CACNA2D4: variants seen among roughly 807,000 people sequenced by gnomAD.
CACNA2D4 encodes calcium voltage-gated channel auxiliary subunit alpha2delta 4.
In CACNA2D4, 157 loss-of-function variants were observed where a neutral mutation model predicts 163.8. The ratio of observed to expected loss-of-function variants is 0.96; its 90% confidence interval spans 0.84 to 1.09. The LOEUF is 1.09. Among genes scored for constraint, CACNA2D4 ranks in the 50% least tolerant of loss-of-function variants. The pLI, the probability that CACNA2D4 is intolerant of heterozygous loss-of-function variation, is 0.00. For synonymous variants in CACNA2D4, 598 were observed against 586.9 expected (o/e 1.02, Z -0.27); for missense variants, 1,410 against 1,479.9 (o/e 0.95, Z 0.78).
At chr12:1,902,948 T>TA (rs1592746142) in intron 6 of CACNA2D4, among the ~76,000 whole-genome samples, 1 of 152,096 alleles carries the variant, frequency 6.6e-6, no homozygotes, top group African/African-American at 2.4e-5. Flanking sequence ...GGAGTAACAT[T>TA]ACCTGACTTC....
In CACNA2D4 at chr12:1,884,263, C is replaced by G; in HGVS notation, c.1331G>C (p.Trp444Ser). The G allele has an allele frequency of 3.1e-6, 5 of 1,612,344 alleles. No homozygotes were observed. Among genetic ancestry groups the G allele is most frequent in the Non-Finnish European group, 4.2e-6 (5 of 1,179,412 alleles). The change falls in exon 12 of 38, where the codon TGG becomes TCG. Residue 444 changes from tryptophan (W) to serine (S), a missense_variant. Trp to Ser is a radical substitution (Grantham distance 177). Transcript: ENST00000382722. ...CTCACCTTTGTTGTTGCATGCAATC[C>G]ACTTCATGCGGTCAGCAAAAGACAC... ...REVSFADRMKWIACNNKGYYT... is the reference protein window; with the variant it reads ...REVSFADRMKSIACNNKGYYT...
chr12:1,831,448 A>T (rs1864627132), intron 26 of CACNA2D4: 2 of 1,613,998 alleles, frequency 1.2e-6, no homozygotes, highest in African/African-American at 1.3e-5. Flanking sequence ...CAGCTGCTGC[A>T]GGTCGGGGAT....
intron 3 of CACNA2D4, among the ~76,000 whole-genome samples, chr12:1,912,579 G>A (rs971519063): frequency 8.4e-5 from 2 of 23,884 alleles, no homozygotes; most frequent in Non-Finnish European, 1.7e-4. Context: ...TGAGAAGGAG[G>A]AGAGGGGAGG....
intron 18 of CACNA2D4, 62 bp from the exon 19 acceptor site, chr12:1,860,268 C>T (rs1322520403): frequency 4.5e-6 from 6 of 1,335,348 alleles, no homozygotes; most frequent in Non-Finnish European, 6.4e-6. Flanking sequence ...GCCCCCACCT[C>T]GCCCCCAGGG....
intron 18 of CACNA2D4, among the ~76,000 whole-genome samples, chr12:1,872,427 G>C (rs536124851): frequency 1.3e-5 from 2 of 152,362 alleles, no homozygotes; most frequent in Admixed American, 1.3e-4. Flanking sequence ...TGTACCGGGA[G>C]ATGGCTCGAA....
intron 26 of CACNA2D4, among the ~76,000 whole-genome samples, chr12:1,838,766 A>G (rs972009114): frequency 1.3e-5 from 2 of 152,198 alleles, no homozygotes; most frequent in Middle Eastern, 3.2e-3. Context: ...CTAGACCTTC[A>G]GGTGTACAGG....
At position 1,828,024 on chromosome 12, in the gene CACNA2D4, C is replaced by G. The variant is rs2154446870; in HGVS notation, c.2551+12715G>C. On this transcript the variant is annotated intron_variant, in intron 26 of 37. Transcript: ENST00000382722. The surrounding 1 kb of genome is among the most constrained non-coding windows in gnomAD (Gnocchi z 4.2). ...CCGGGCCCTCTCCCTAACCCCTGGG[C>G]TGGAACGGGGCTCCCGCGCCTGCCT... 1.2e-6 allele frequency: 1 copy of G among 816,026 alleles called. No homozygotes were observed. The highest frequency in any genetic ancestry group is 3.1e-5 in the East Asian group (1 of 32,174). The allele number at this position is 816,026 out of a possible 1,614,324, so 50.5% of individuals were successfully genotyped here. A position where few individuals can be genotyped will look rare whatever the true frequency, so the allele number is the denominator to read the frequency against.
At chr12:1,809,984 T>TG (rs573063701) in intron 29 of CACNA2D4, among the ~76,000 whole-genome samples, 18 of 152,278 alleles carry the variant, frequency 1.2e-4, no homozygotes, top group African/African-American at 3.4e-4. Context: ...GGCCCTGAGA[T>TG]GGGGTCACTG....
At chr12:1,825,176 G>A (rs1033276743) in intron 26 of CACNA2D4, among the ~76,000 whole-genome samples, 6 of 152,190 alleles carry the variant, frequency 3.9e-5, no homozygotes, top group Non-Finnish European at 7.3e-5. Context: ...ACAAGAGGCC[G>A]CCTTCACCAG....
At chr12:1,838,328 A>G (rs1357295604) in intron 26 of CACNA2D4, among the ~76,000 whole-genome samples, 1 of 151,972 alleles carries the variant, frequency 6.6e-6, no homozygotes, top group East Asian at 1.9e-4. Flanking sequence ...TCGGTGCGCA[A>G]TCGTCACCAT....
At chr12:1,858,492 C>G in intron 20 of CACNA2D4, 85 bp downstream of exon 20, 2 of 1,203,908 alleles carry the variant, frequency 1.7e-6, no homozygotes, top group Non-Finnish European at 2.4e-6. Flanking sequence ...CACACTGGCT[C>G]TGGTTGGGGT....
intron 1 of CACNA2D4, among the ~76,000 whole-genome samples, chr12:1,916,342 T>C (rs1565745359): frequency 6.6e-6 from 1 of 151,898 alleles, no homozygotes; most frequent in East Asian, 2.0e-4. Flanking sequence ...CCAATTGTGT[T>C]TTACCTTGAA....
chr12:1,819,118 T>G (rs1325808819), intron 26 of CACNA2D4, among the ~76,000 whole-genome samples: 1 of 151,382 alleles, frequency 6.6e-6, no homozygotes, highest in East Asian at 1.9e-4. Context: ...AGTCCTGTGG[T>G]GTTCCGGGGA....
At position 1,838,182 on chromosome 12, in the gene CACNA2D4, G is replaced by A. The variant is rs1041542075; in HGVS notation, c.2551+2557C>T. 2.6e-5 allele frequency among the ~76,000 whole-genome samples: 4 copies of A among 152,328 alleles called. No individual in the cohort carries two copies. In the South Asian group the frequency reaches 8.3e-4, roughly 32 times the overall value. On this transcript the variant is annotated intron_variant, in intron 26 of 37. Coordinates refer to ENST00000382722, the MANE Select transcript of CACNA2D4 (RefSeq NM_172364.5). Reference sequence around the variant, plus strand: ...TGCAGTAGCTGTCTATAAACCACCTGCTTAGGGATGAACGCGATCTCTACT... The same window carrying A: ...TGCAGTAGCTGTCTATAAACCACCTACTTAGGGATGAACGCGATCTCTACT...
chr12:1,891,117 G>T (rs1003057053), intron 6 of CACNA2D4, among the ~76,000 whole-genome samples: 2 of 152,130 alleles, frequency 1.3e-5, no homozygotes, highest in African/African-American at 4.8e-5. Flanking sequence ...CCACCTGGAG[G>T]CCCAAGAATT....
intron 23 of CACNA2D4, among the ~76,000 whole-genome samples, chr12:1,849,007 T>A (rs1865215993): frequency 6.6e-6 from 1 of 152,208 alleles, no homozygotes; most frequent in African/African-American, 2.4e-5. Context: ...CAATATCATT[T>A]GTCTTTGGTA....
chr12:1,863,106 T>C (rs1040052906), intron 18 of CACNA2D4, among the ~76,000 whole-genome samples: 21 of 152,224 alleles, frequency 1.4e-4, no homozygotes, highest in Non-Finnish European at 2.6e-4. Context: ...AGTTTTTGTA[T>C]GTGGTATGAG....
intron 29 of CACNA2D4, among the ~76,000 whole-genome samples, chr12:1,807,776 G>C (rs919290815): frequency 6.6e-6 from 1 of 152,102 alleles, no homozygotes. Flanking sequence ...GCTGTCCAGA[G>C]TGAGGAAGGA....
At position 1,798,491 on chromosome 12, in the gene CACNA2D4, G is replaced by T. The variant is rs1012417988; in HGVS notation, c.2996-956C>A. Among the ~76,000 whole-genome samples, 1 of 152,124 alleles carries T rather than the reference G, an allele frequency of 6.6e-6. No individual in the cohort carries two copies. The highest frequency in any genetic ancestry group is 2.4e-5 in the African/African-American group (1 of 41,410). ...AGCTGGCGTGCAGAAAACTCTCACCGAGAGGAGCAAGCCCACAGCGGCCAG... is the reference window on the plus strand; with the variant it reads ...AGCTGGCGTGCAGAAAACTCTCACCTAGAGGAGCAAGCCCACAGCGGCCAG... On this transcript the variant is annotated intron_variant, in intron 34 of 37. Coordinates refer to ENST00000382722, the MANE Select transcript of CACNA2D4 (RefSeq NM_172364.5). This position sits in a 1 kb window ranked among gnomAD's most constrained non-coding sequence, Gnocchi z 4.3.
Sources: gnomAD v4.1 joint callset for allele counts (sites outside exome capture counted in the v4.1 genomes callset) on GRCh38, gnomAD v4.1.1 for gene constraint, Gnocchi (gnomAD v3.1) non-coding constraint, MANE v1.5 for transcripts, NCBI Gene and HGNC (gene_info 2026-07-23, HGNC 2026-07-21) for gene names.